The following ANK3 variants were observed in gnomAD, a reference collection of about 807,000 sequenced individuals.
ANK3 encodes ankyrin 3, also known as ankyrin-3.
In ANK3, 57 loss-of-function variants were observed where a neutral mutation model predicts 370.9. The observed-to-expected ratio is 0.15, with a 90% CI of 0.12 to 0.19. The LOEUF (loss-of-function observed/expected upper bound fraction) is 0.19. ANK3 is among the 10% of genes least tolerant of loss of function. ANK3 has a pLI of 1.00. For missense variants in ANK3, 4,439 were observed against 5,302.1 expected (o/e 0.84, Z 5.06); for synonymous variants, 1,929 against 1,946.3 (o/e 0.99, Z 0.23).
chr10:60,095,397 T>C (rs2089898293), intron 28 of ANK3, among the ~76,000 whole-genome samples: 1 of 152,238 alleles, frequency 6.6e-6, no homozygotes, highest in Non-Finnish European at 1.5e-5. Context: ...TTTATTTTAT[T>C]AGATACGAGG....
chr10:60,366,162 A>C (rs2059359361), intron 1 of ANK3, among the ~76,000 whole-genome samples: 1 of 151,918 alleles, frequency 6.6e-6, no homozygotes, highest in South Asian at 2.1e-4. Context: ...ACATGGTGAA[A>C]TCCCGTCTCT....
chr10:60,090,548 G>A (rs2088018851), intron 28 of ANK3, among the ~76,000 whole-genome samples: 1 of 152,112 alleles, frequency 6.6e-6, no homozygotes, highest in Admixed American at 6.5e-5. Flanking sequence ...AGATTAATAT[G>A]CTCAATACCA....
chr10:60,683,066 G>A (rs1373077551), intron 1 of ANK3, among the ~76,000 whole-genome samples: 1 of 152,086 alleles, frequency 6.6e-6, no homozygotes, highest in Admixed American at 6.5e-5. Flanking sequence ...GAACTGAATT[G>A]AAGGACACCA....
intron 27 of ANK3, among the ~76,000 whole-genome samples, chr10:60,106,407 G>A (rs986972014): frequency 2.0e-5 from 3 of 151,730 alleles, no homozygotes; most frequent in African/African-American, 7.3e-5. Flanking sequence ...GACACAATAG[G>A]TATATTATAC....
intron 2 of ANK3, among the ~76,000 whole-genome samples, chr10:60,573,452 T>C (rs2077642099): frequency 6.6e-6 from 1 of 152,130 alleles, no homozygotes; most frequent in Admixed American, 6.5e-5. Context: ...GGCAGAAACA[T>C]TCTGTGCTTC....
intron 1 of ANK3, among the ~76,000 whole-genome samples, chr10:60,688,902 C>T (rs1020123333): frequency 1.3e-5 from 2 of 150,588 alleles, no homozygotes; most frequent in East Asian, 2.0e-4. Context: ...GAGCCAAGAT[C>T]GTGCCACTGC....
At chr10:60,595,049 G>A (rs2077968029) in intron 2 of ANK3, among the ~76,000 whole-genome samples, 1 of 152,046 alleles carries the variant, frequency 6.6e-6, no homozygotes, top group Non-Finnish European at 1.5e-5. Context: ...TAAATAAAAT[G>A]TTCAGACCTT....
chr10:60,267,125 T>C (rs2097893817), intron 5 of ANK3, among the ~76,000 whole-genome samples: 1 of 152,208 alleles, frequency 6.6e-6, no homozygotes, highest in Admixed American at 6.5e-5. Context: ...TTGAAAGAAT[T>C]TGGCAATATC....
intron 2 of ANK3, among the ~76,000 whole-genome samples, chr10:60,501,720 A>AAG (rs2075803608): frequency 2.0e-5 from 3 of 151,674 alleles, no homozygotes; most frequent in African/African-American, 7.3e-5. Context: ...AAAAAAAAAA[A>AAG]AAAGAAAAGA....
intron 18 of ANK3, among the ~76,000 whole-genome samples, chr10:60,177,712 C>T (rs746778059): frequency 1.3e-5 from 2 of 149,366 alleles, no homozygotes; most frequent in African/African-American, 2.5e-5. Context: ...ATTCTTCTGC[C>T]TCAGCCTCCC....
intron 2 of ANK3, among the ~76,000 whole-genome samples, chr10:60,409,175 A>G (rs547816856): frequency 4.6e-4 from 70 of 152,314 alleles, no homozygotes; most frequent in African/African-American, 1.5e-3. Flanking sequence ...GGTTTCATTA[A>G]AAAGAAAAAG....
At chr10:60,467,503 C>A (rs1256474098) in intron 2 of ANK3, among the ~76,000 whole-genome samples, 2 of 152,056 alleles carry the variant, frequency 1.3e-5, no homozygotes, top group Non-Finnish European at 2.9e-5. Flanking sequence ...GAAAAACTGG[C>A]AAACAGGTTT....
At chr10:60,491,252 T>C (rs1443452770) in intron 2 of ANK3, among the ~76,000 whole-genome samples, 1 of 152,224 alleles carries the variant, frequency 6.6e-6, no homozygotes, top group African/African-American at 2.4e-5. Context: ...TATTAGTCTT[T>C]TTGTAGAATG....
Position 60,070,953 on chromosome 10 carries a change from G to C in ANK3, c.9928C>G (p.Pro3310Ala). 1.9e-6 allele frequency: 3 copies of C among 1,614,096 alleles called. No homozygotes were observed. The highest frequency in any genetic ancestry group is 1.3e-5 in the African/African-American group (1 of 75,042). The stretch of plus-strand genomic sequence containing the variant: ...CTTGAATCACTGACGTCTGCCCCGG[G>C]AGGAACTGGTGAAGGTGGCTGCACT... ...IRVQPPSPVP[P>A]GADVSDSSDD... Residue 3310 changes from proline to alanine, a missense_variant, in exon 37 of 44, where the codon CCC becomes GCC. Pro to Ala is a conservative substitution (Grantham distance 27). This residue lies in a region of ANK3 where 1,601 missense variants were observed against 1,731.7 expected (regional missense o/e 0.92). Transcript: ENST00000280772. The surrounding 1 kb of genome is among the most constrained non-coding windows in gnomAD (Gnocchi z 5.7).
chr10:60,107,765 G>A (rs1004341766), intron 27 of ANK3, among the ~76,000 whole-genome samples: 14 of 151,732 alleles, frequency 9.2e-5, no homozygotes, highest in African/African-American at 2.2e-4. Flanking sequence ...ACACACATGC[G>A]CACGCGCACA....
At chr10:60,583,518 G>GTTTT (rs970464761) in intron 2 of ANK3, among the ~76,000 whole-genome samples, 1 of 105,766 alleles carries the variant, frequency 9.5e-6, no homozygotes. Flanking sequence ...TTTGTTTTTT[G>GTTTT]TTTTTTGTTT....
intron 2 of ANK3, among the ~76,000 whole-genome samples, chr10:60,517,766 G>C (rs1025503194): frequency 2.0e-5 from 3 of 150,090 alleles, no homozygotes; most frequent in African/African-American, 4.9e-5. Context: ...AAGAGAGAGA[G>C]AGAGAGAGAC....
chr10:60,496,922 T>C (rs540886655), intron 2 of ANK3, among the ~76,000 whole-genome samples: 2 of 152,270 alleles, frequency 1.3e-5, no homozygotes, highest in South Asian at 2.1e-4. Context: ...CAGACTACCA[T>C]TGGTGTTCAA....
chr10:60,289,588 T>A (rs1486570482), intron 1 of ANK3, among the ~76,000 whole-genome samples: 1 of 151,500 alleles, frequency 6.6e-6, no homozygotes, highest in Non-Finnish European at 1.5e-5. Context: ...TTTGTAGACA[T>A]GGGTTTCAGC....
Sources: gnomAD v4.1 joint callset for allele counts (sites outside exome capture counted in the v4.1 genomes callset) on GRCh38, gnomAD v4.1.1 for gene constraint, gnomAD v4.1.1 regional missense constraint, Gnocchi (gnomAD v3.1) non-coding constraint, MANE v1.5 for transcripts, NCBI Gene and HGNC (gene_info 2026-07-23, HGNC 2026-07-21) for gene names.